CCDC3: variants seen among roughly 807,000 people sequenced by gnomAD.
The protein encoded by CCDC3 is coiled-coil domain-containing protein 3.
A neutral mutation model predicts 21.4 loss-of-function variants in CCDC3; 24 were observed. The observed-to-expected ratio is 1.12, with a 90% CI of 0.81 to 1.58. CCDC3 has a LOEUF of 1.58. CCDC3 is among the 40% of genes most tolerant of loss of function. The pLI is 0.00. For missense variants in CCDC3, 425 were observed against 360.9 expected (o/e 1.18, Z -1.44); for synonymous variants, 186 against 166.0 (o/e 1.12, Z -0.93).
At chr10:12,998,211 G>A (rs1164490367) in intron 2 of CCDC3, 127 bp downstream of exon 2, 1 of 932,440 alleles carries the variant, frequency 1.1e-6, no homozygotes, top group African/African-American at 1.7e-5. Flanking sequence ...AGAGAGAGAG[G>A]GCATACGCTA....
At chr10:13,058,637 T>C in intron 4 of CCDC3, 1 of 573,332 alleles carries the variant, frequency 1.7e-6, no homozygotes, top group South Asian at 2.2e-5. Flanking sequence ...TGGTATCTCT[T>C]CAAGTTGGCC....
rs1836990582 is a variant in CCDC3 at position 13,078,297 on chromosome 10, A to G, written c.-502-4197T>C. 3.3e-5 allele frequency among the ~76,000 whole-genome samples: 5 copies of G among 152,232 alleles called. No individual in the cohort carries two copies. The South Asian group carries it at 1.0e-3, about 31-fold the overall frequency. ...CTGGCCATCAGAGAAATGCAAATCA[A>G]AACCACAATGAGATACCATCTCACA... On this transcript the variant is annotated intron_variant, in intron 3 of 6. Transcript: ENST00000378839.
At chr10:13,043,819 G>A (rs1275587461) in intron 5 of CCDC3, among the ~76,000 whole-genome samples, 1 of 152,108 alleles carries the variant, frequency 6.6e-6, no homozygotes, top group African/African-American at 2.4e-5. Context: ...ATGAACATAT[G>A]ATTGCAGGTA....
At chr10:13,004,593 G>C (rs1279483961), upstream of CCDC3, among the ~76,000 whole-genome samples, 2 of 127,794 alleles carry the variant, frequency 1.6e-5, no homozygotes, top group Non-Finnish European at 3.1e-5. Flanking sequence ...GAAAAGGTCC[G>C]ATGGAATCAA....
At chr10:13,060,102 AT>A (rs1231463313) in intron 4 of CCDC3, among the ~76,000 whole-genome samples, 4 of 152,120 alleles carry the variant, frequency 2.6e-5, no homozygotes. Context: ...AACAAAAAAC[AT>A]TGTTTTTCTA....
chr10:12,967,166 C>T (rs974168144), intron 2 of CCDC3, among the ~76,000 whole-genome samples: 4 of 152,188 alleles, frequency 2.6e-5, no homozygotes, highest in African/African-American at 9.7e-5. Context: ...AATGTATTGA[C>T]TTTTGTGCCA....
At chr10:12,916,147 A>G (rs1009511490) in intron 2 of CCDC3, among the ~76,000 whole-genome samples, 13 of 152,156 alleles carry the variant, frequency 8.5e-5, no homozygotes, top group Non-Finnish European at 1.3e-4. Flanking sequence ...TAAGATGCCA[A>G]CCTGGGCCAG....
intron 3 of CCDC3, among the ~76,000 whole-genome samples, chr10:13,088,885 G>A (rs1195058572): frequency 4.6e-5 from 7 of 151,836 alleles, no homozygotes; most frequent in African/African-American, 1.7e-4. Flanking sequence ...GTATGGTGGC[G>A]GGCACCTGTA....
rs535327973 is a variant in CCDC3 at position 12,953,095 on chromosome 10, A to C, written c.549+45243T>G. The stretch of plus-strand genomic sequence containing the variant: ...AGACTGGGTAATTTATACAGGAAAA[A>C]AAAAGTTTAATGGACTTACAGTTCC... On this transcript the variant is annotated intron_variant, in intron 2 of 2. Coordinates refer to ENST00000378825, the MANE Select transcript of CCDC3 (RefSeq NM_031455.4). 9.3e-4 allele frequency among the ~76,000 whole-genome samples: 141 copies of C among 152,352 alleles called. 1 individual carries two copies. The highest frequency in any genetic ancestry group is 3.2e-3 in the African/African-American group (131 of 41,584).
intron 2 of CCDC3, among the ~76,000 whole-genome samples, chr10:12,995,541 C>T (rs922788093): frequency 2.6e-5 from 4 of 152,210 alleles, no homozygotes; most frequent in East Asian, 1.9e-4. Context: ...TGCAATCAGC[C>T]CACAATGGGC....
chr10:13,026,050 G>A lies in CCDC3; in HGVS notation c.-2+23624C>T, dbSNP rs538370683. Reference sequence around the variant, plus strand: ...ATAAAAATTAGCTGGGCTTGGTGGCGTGTGCCTGTAATCCCAGCTACTCAG... The same window carrying A: ...ATAAAAATTAGCTGGGCTTGGTGGCATGTGCCTGTAATCCCAGCTACTCAG... On this transcript the variant is annotated intron_variant, in intron 5 of 6. Coordinates refer to the CCDC3 transcript ENST00000378839. 3.9e-4 allele frequency among the ~76,000 whole-genome samples: 60 copies of A among 152,078 alleles called. 1 individual carries two copies. In the East Asian group the frequency reaches 0.01, roughly 26 times the overall value.
Position 12,936,915 on chromosome 10 carries a change from T to A in CCDC3, c.550-38236A>T, listed in dbSNP as rs140203084. Among the ~76,000 whole-genome samples, 1,518 of 152,256 alleles carry A rather than the reference T, an allele frequency of 1.0e-2. 8 individuals carry two copies. The highest frequency in any genetic ancestry group is 0.027 in the Middle Eastern group (8 of 294). On this transcript the variant is annotated intron_variant, in intron 2 of 2. Transcript: ENST00000378825. ...CTCCAGCCTGGGTGACCTAGTGAGA[T>A]CCTGTCTCAACTAACTAAAGAAATA... is the stretch of plus-strand genomic sequence containing the variant.
At chr10:13,081,747 A>G (rs961609198) in intron 3 of CCDC3, among the ~76,000 whole-genome samples, 3 of 152,216 alleles carry the variant, frequency 2.0e-5, no homozygotes, top group Admixed American at 1.3e-4. Context: ...AAACAAGAAC[A>G]ATTGAGACAA....
chr10:12,956,063 C>T (rs1400658010), intron 2 of CCDC3, among the ~76,000 whole-genome samples: 2 of 152,100 alleles, frequency 1.3e-5, no homozygotes, highest in East Asian at 1.9e-4. Flanking sequence ...TGGTCTTGAA[C>T]TCCTGGGCTC....
chr10:12,991,926 T>C (rs1835688113), intron 2 of CCDC3, among the ~76,000 whole-genome samples: 1 of 152,094 alleles, frequency 6.6e-6, no homozygotes, highest in African/African-American at 2.4e-5. Flanking sequence ...TCTTATCTTT[T>C]TTTCTCACCC....
chr10:12,909,346 G>A (rs1363595803), intron 2 of CCDC3, among the ~76,000 whole-genome samples: 1 of 152,210 alleles, frequency 6.6e-6, no homozygotes, highest in African/African-American at 2.4e-5. Context: ...GGGAGGAAGG[G>A]CAAAAGGACC....
At chr10:13,017,300 T>A (rs963691601) in intron 5 of CCDC3, among the ~76,000 whole-genome samples, 1 of 151,888 alleles carries the variant, frequency 6.6e-6, no homozygotes, top group Non-Finnish European at 1.5e-5. Flanking sequence ...GCGGATCACC[T>A]GAGATCAAGA....
At position 12,968,554 on chromosome 10, in the gene CCDC3, A is replaced by T. The variant is rs575011291; in HGVS notation, c.549+29784T>A. ...GAAAATACATCAAAGTATAAAACTC[A>T]TTTGTAAAAGTAAGTAGTCAAATTC... On this transcript the variant is annotated intron_variant, in intron 2 of 2. Transcript: ENST00000378825. Among the ~76,000 whole-genome samples, 9 of 152,346 alleles carry T rather than the reference A, an allele frequency of 5.9e-5. 1 individual carries two copies. The South Asian group carries it at 1.9e-3, about 32-fold the overall frequency.
At chr10:13,079,079 A>T (rs2131445555) in intron 3 of CCDC3, among the ~76,000 whole-genome samples, 1 of 152,282 alleles carries the variant, frequency 6.6e-6, no homozygotes, top group South Asian at 2.1e-4. Flanking sequence ...ATCTGCGAGG[A>T]GCACCCTTTC....
Sources: allele counts gnomAD v4.1 joint callset (sites outside exome capture counted in the v4.1 genomes callset), GRCh38; gene constraint gnomAD v4.1.1; transcripts MANE v1.5; gene names NCBI Gene and HGNC (gene_info 2026-07-23, HGNC 2026-07-21).